Variants in SHISA6 observed in about 807,000 individuals in gnomAD.
The protein encoded by SHISA6 is shisa family member 6, also known as protein shisa-6.
SHISA6 carries 22 observed loss-of-function variants against 47.9 expected under a neutral mutation model. That is an observed-to-expected ratio of 0.46 (90% CI 0.33 to 0.66). SHISA6 has a LOEUF of 0.66. Ranked by LOEUF, SHISA6 falls within the 30% of genes least tolerant of loss-of-function variation. SHISA6 has a pLI of 0.02. For missense variants in SHISA6, 680 were observed against 764.6 expected (o/e 0.89, Z 1.30); for synonymous variants, 388 against 337.8 (o/e 1.15, Z -1.63).
At chr17:11,494,565 T>C (rs1213675792) in intron 3 of SHISA6, among the ~76,000 whole-genome samples, 1 of 152,166 alleles carries the variant, frequency 6.6e-6, no homozygotes, top group Non-Finnish European at 1.5e-5. Context: ...TTAGAACTCC[T>C]AGGGTTAATT....
intron 3 of SHISA6, among the ~76,000 whole-genome samples, chr17:11,397,520 C>T (rs965606082): frequency 2.6e-5 from 4 of 151,816 alleles, no homozygotes; most frequent in Non-Finnish European, 5.9e-5. Flanking sequence ...TCAAGTAGGG[C>T]TTGTGGATGC....
Position 11,548,172 on chromosome 17 carries a change from C to T in SHISA6, c.896-3724C>T, listed in dbSNP as rs142935877. Among the ~76,000 whole-genome samples the T allele has an allele frequency of 4.8e-3, 727 of 152,266 alleles. 6 individuals carry two copies. Among genetic ancestry groups the T allele is most frequent in the Admixed American group, 8.0e-3 (123 of 15,294 alleles). On this transcript the variant is annotated intron_variant, in intron 3 of 5. Coordinates refer to ENST00000441885, the MANE Select transcript of SHISA6 (RefSeq NM_207386.4). The stretch of plus-strand genomic sequence containing the variant: ...AAACTGGCAATAACAACACAATCTG[C>T]CTCCCAAAATTGGTGTTGTGCAGTT...
intron 4 of SHISA6, among the ~76,000 whole-genome samples, chr17:11,555,432 G>T (rs1169994898): frequency 6.6e-6 from 1 of 152,044 alleles, no homozygotes; most frequent in African/African-American, 2.4e-5. Flanking sequence ...AGCTCCATCA[G>T]GCTTACGTTT....
At chr17:11,488,387 T>C (rs1229661746) in intron 3 of SHISA6, among the ~76,000 whole-genome samples, 2 of 152,174 alleles carry the variant, frequency 1.3e-5, no homozygotes, top group African/African-American at 4.8e-5. Context: ...ACAGTAAAGA[T>C]TAGAATTACT....
At chr17:11,256,816 A>G (rs1013249514) in intron 1 of SHISA6, among the ~76,000 whole-genome samples, 13 of 152,244 alleles carry the variant, frequency 8.5e-5, no homozygotes, top group Admixed American at 1.3e-4. Context: ...GAGTATGTGA[A>G]GATGATGCTG....
intron 5 of SHISA6, 105 bp downstream of exon 5, chr17:11,555,997 C>G: frequency 7.5e-7 from 1 of 1,327,060 alleles, no homozygotes; most frequent in Non-Finnish European, 9.9e-7. Flanking sequence ...TGTCAAATCC[C>G]AAGAATAAAG....
chr17:11,401,017 T>C (rs930487334), intron 3 of SHISA6, among the ~76,000 whole-genome samples: 2 of 152,240 alleles, frequency 1.3e-5, no homozygotes, highest in African/African-American at 4.8e-5. Flanking sequence ...TGTTGTTTAG[T>C]TATTTTTGCA....
At chr17:11,435,778 A>G (rs772839669) in intron 3 of SHISA6, among the ~76,000 whole-genome samples, 2 of 152,144 alleles carry the variant, frequency 1.3e-5, no homozygotes, top group Non-Finnish European at 2.9e-5. Flanking sequence ...GTGCAGTTCT[A>G]AACCAGCTTC....
intron 3 of SHISA6, among the ~76,000 whole-genome samples, chr17:11,387,574 C>G (rs758177560): frequency 6.6e-6 from 1 of 151,996 alleles, no homozygotes; most frequent in Non-Finnish European, 1.5e-5. Flanking sequence ...AGATGTTAGT[C>G]AGTGATGATG....
chr17:11,315,442 A>AT (rs1218863890), intron 2 of SHISA6, among the ~76,000 whole-genome samples: 1 of 151,854 alleles, frequency 6.6e-6, no homozygotes, highest in Non-Finnish European at 1.5e-5. Flanking sequence ...TTCTTATTAC[A>AT]TTGATTCCGA....
intron 3 of SHISA6, among the ~76,000 whole-genome samples, chr17:11,494,583 A>G (rs559464670): frequency 6.6e-6 from 1 of 152,338 alleles, no homozygotes; most frequent in Non-Finnish European, 1.5e-5. Flanking sequence ...ATTCCCCAAA[A>G]TAACAGGGAG....
chr17:11,487,548 G>GC (rs2142335475), intron 3 of SHISA6, among the ~76,000 whole-genome samples: 1 of 152,214 alleles, frequency 6.6e-6, no homozygotes, highest in East Asian at 1.9e-4. Flanking sequence ...ATGAAAAACA[G>GC]CCCCCTGCAG....
intron 2 of SHISA6, among the ~76,000 whole-genome samples, chr17:11,336,274 G>C (rs1030123260): frequency 6.6e-6 from 1 of 152,012 alleles, no homozygotes; most frequent in East Asian, 1.9e-4. Flanking sequence ...CCATAAGTTT[G>C]TTTATTTTAT....
At chr17:11,553,008 G>A (rs2071944394) in intron 4 of SHISA6, among the ~76,000 whole-genome samples, 1 of 152,194 alleles carries the variant, frequency 6.6e-6, no homozygotes, top group Admixed American at 6.5e-5. Context: ...GAATGTGGCT[G>A]ATGAGAGCCA....
At chr17:11,461,396 CAAAA>C (rs778616587) in intron 3 of SHISA6, among the ~76,000 whole-genome samples, 809 of 76,546 alleles carry the variant, frequency 0.011, 9 homozygotes, top group African/African-American at 0.037. Context: ...GACTCCATCT[CAAAA>C]AAAAAAAAAA....
intron 3 of SHISA6, among the ~76,000 whole-genome samples, chr17:11,416,118 CA>C (rs1914273103): frequency 6.6e-6 from 1 of 152,106 alleles, no homozygotes; most frequent in South Asian, 2.1e-4. Context: ...AATTATGTCT[CA>C]AAGGCCCCAC....
chr17:11,474,981 A>T (rs1347674704), intron 3 of SHISA6, among the ~76,000 whole-genome samples: 1 of 152,176 alleles, frequency 6.6e-6, no homozygotes, highest in East Asian at 1.9e-4. Context: ...ATGAACATGG[A>T]ATATTCCTCC....
intron 3 of SHISA6, among the ~76,000 whole-genome samples, chr17:11,442,635 C>T (rs1281473375): frequency 1.3e-5 from 2 of 152,186 alleles, no homozygotes; most frequent in African/African-American, 4.8e-5. Flanking sequence ...GTGCCTGGCT[C>T]ACAGTAAAGA....
At chr17:11,536,407 G>C (rs996418459) in intron 3 of SHISA6, among the ~76,000 whole-genome samples, 1 of 152,138 alleles carries the variant, frequency 6.6e-6, no homozygotes, top group Admixed American at 6.5e-5. Flanking sequence ...TGGGATATTT[G>C]GGGGTTTCCC....
Sources: gnomAD v4.1 joint callset for allele counts (sites outside exome capture counted in the v4.1 genomes callset) on GRCh38, gnomAD v4.1.1 for gene constraint, MANE v1.5 for transcripts, NCBI Gene and HGNC (gene_info 2026-07-23, HGNC 2026-07-21) for gene names.